The following CSPP1 variants were observed in gnomAD, a reference collection of about 807,000 sequenced individuals.
CSPP1 encodes the protein centrosome and spindle pole-associated protein 1.
A neutral mutation model predicts 164.4 loss-of-function variants in CSPP1; 126 were observed. That is an observed-to-expected ratio of 0.77 (90% confidence interval 0.66 to 0.89). The LOEUF is 0.89. CSPP1 is among the 40% of genes least tolerant of loss of function. The pLI is 0.00. For synonymous variants in CSPP1, 472 were observed against 476.7 expected (o/e 0.99, Z 0.13); for missense variants, 1,395 against 1,449.8 (o/e 0.96, Z 0.61).
intron 15 of CSPP1, among the ~76,000 whole-genome samples, chr8:67,125,941 T>C (rs1396054832): frequency 6.6e-6 from 1 of 152,224 alleles, no homozygotes; most frequent in South Asian, 2.1e-4. Context: ...CAAGCGATTG[T>C]CCTGCCTCAG....
intron 7 of CSPP1, chr8:67,099,395 A>G (rs1813557494): frequency 6.6e-6 from 1 of 152,110 alleles, no homozygotes; most frequent in Non-Finnish European, 1.5e-5. Context: ...GTGGGAGAGT[A>G]TTTAGATAGA....
intron 3 of CSPP1, among the ~76,000 whole-genome samples, chr8:67,081,365 T>C (rs1212713745): frequency 6.6e-6 from 1 of 152,134 alleles, no homozygotes; most frequent in Non-Finnish European, 1.5e-5. Flanking sequence ...TTCAATTTTT[T>C]TTTTCTTTTT....
intron 15 of CSPP1, among the ~76,000 whole-genome samples, chr8:67,123,886 G>A (rs1819513645): frequency 6.6e-6 from 1 of 150,522 alleles, no homozygotes; most frequent in Non-Finnish European, 1.5e-5. Context: ...TTACGGGCAT[G>A]AGCCACCGCG....
intron 15 of CSPP1, among the ~76,000 whole-genome samples, chr8:67,127,555 GA>G (rs1327070149): frequency 6.6e-6 from 1 of 152,176 alleles, no homozygotes; most frequent in African/African-American, 2.4e-5. Context: ...TTTGATGTAA[GA>G]ACACAATTCA....
At chr8:67,176,846 C>T (rs796145984) in intron 26 of CSPP1, among the ~76,000 whole-genome samples, 1 of 151,926 alleles carries the variant, frequency 6.6e-6, no homozygotes, top group Non-Finnish European at 1.5e-5. Context: ...CTGAAGTGGG[C>T]GGATCATGAG....
At chr8:67,126,334 AACATAATG>A (rs1333588642) in intron 15 of CSPP1, among the ~76,000 whole-genome samples, 1 of 152,168 alleles carries the variant, frequency 6.6e-6, no homozygotes, top group Non-Finnish European at 1.5e-5. Flanking sequence ...ACATTTAGGA[AACATAATG>A]TGGCTACTGT....
Position 67,163,772 on chromosome 8 carries a change from C to T in CSPP1, c.2684C>T (p.Ala895Val). The T allele has an allele frequency of 6.2e-7, 1 of 1,613,480 alleles. No homozygotes were observed. The highest frequency in any genetic ancestry group is 1.7e-4 in the Middle Eastern group (1 of 6,058). ...AGGGCACAGTCACCCCCGGTACCTG[C>T]CAGGAAAAATCAGCTCCGTGCAGAA... ...MSRAQSPPVP[A>V]RKNQLRAEEE... The change falls in exon 23 of 31, where the codon GCC becomes GTC. Residue 895 changes from alanine (A) to valine (V), a missense_variant. Physicochemically the swap from Ala to Val is moderately conservative, Grantham distance 64. Transcript: ENST00000678616.
chr8:67,144,688 C>T (rs982534084), intron 17 of CSPP1, among the ~76,000 whole-genome samples: 3 of 152,074 alleles, frequency 2.0e-5, no homozygotes, highest in Non-Finnish European at 4.4e-5. Flanking sequence ...CTCAAGTGAT[C>T]CTCCCACCTT....
intron 24 of CSPP1, among the ~76,000 whole-genome samples, chr8:67,167,139 G>C (rs1411017836): frequency 6.8e-6 from 1 of 147,832 alleles, no homozygotes; most frequent in South Asian, 2.1e-4. Flanking sequence ...CACAGACACA[G>C]CAACAATCTG....
chr8:67,106,794 T>C (rs1815637400), intron 9 of CSPP1, among the ~76,000 whole-genome samples: 1 of 152,304 alleles, frequency 6.6e-6, no homozygotes, highest in East Asian at 1.9e-4. Context: ...AAATTAACAC[T>C]CTAGATTCAT....
At chr8:67,128,574 G>C (rs1268423790) in intron 15 of CSPP1, among the ~76,000 whole-genome samples, 3 of 151,208 alleles carry the variant, frequency 2.0e-5, no homozygotes, top group East Asian at 3.9e-4. Flanking sequence ...GCCGGGTTCA[G>C]TCTTAAACAG....
intron 16 of CSPP1, among the ~76,000 whole-genome samples, chr8:67,136,219 AATGGTACTG>A (rs1822234528): frequency 6.6e-6 from 1 of 152,182 alleles, no homozygotes; most frequent in Non-Finnish European, 1.5e-5. Flanking sequence ...CCATTGGAAA[AATGGTACTG>A]ATAGACTTCC....
At chr8:67,116,147 T>C in intron 13 of CSPP1, 25 bp downstream of exon 13, 2 of 1,542,182 alleles carry the variant, frequency 1.3e-6, no homozygotes, top group Non-Finnish European at 1.8e-6. Flanking sequence ...GTTTTGTGTT[T>C]GGGAATTAGG....
intron 9 of CSPP1, among the ~76,000 whole-genome samples, chr8:67,106,178 G>A (rs551270524): frequency 6.6e-6 from 1 of 151,894 alleles, no homozygotes; most frequent in Admixed American, 6.6e-5. Flanking sequence ...AAAATTTTAT[G>A]TATCTTCTTA....
Position 67,158,614 on chromosome 8 carries a change from A to G in CSPP1, c.2391+18A>G, listed in dbSNP as rs761011458. On this transcript the variant is annotated intron_variant, in intron 20 of 30. Coordinates refer to ENST00000678616, the MANE Select transcript of CSPP1 (RefSeq NM_001382391.1). ...AGGAGGAGGTACATCTTTTTTCCCT[A>G]TTGTATTTTACTACTTAGTCTGAAG... 5.8e-6 allele frequency: 9 copies of G among 1,559,456 alleles called. No individual in the cohort carries two copies. In the South Asian group the frequency reaches 1.1e-4, roughly 19 times the overall value.
chr8:67,190,743 G>A lies in CSPP1; in HGVS notation c.3314G>A (p.Trp1105Ter), dbSNP rs950321489. The A allele has an allele frequency of 1.2e-6, 2 of 1,610,776 alleles. No homozygotes were observed. Among genetic ancestry groups the A allele is most frequent in the Non-Finnish European group, 1.7e-6 (2 of 1,176,946 alleles). The change falls in exon 29 of 31, where the codon TGG (tryptophan) becomes TAG (stop). Residue 1105 changes from tryptophan (W) to a stop codon, truncating the protein, a stop_gained. Coordinates refer to ENST00000678616, the MANE Select transcript of CSPP1 (RefSeq NM_001382391.1). LOFTEE classifies it high-confidence loss of function. ...PSARERRRNK[W>*]KGLDIDSSRP... ...GCACGGGAGCGCAGGAGGAACAAAT[G>A]GAAAGGACTAGACATTGTATGTATG...
intron 26 of CSPP1, among the ~76,000 whole-genome samples, chr8:67,177,343 G>A (rs1831939340): frequency 6.6e-6 from 1 of 152,160 alleles, no homozygotes; most frequent in Non-Finnish European, 1.5e-5. Flanking sequence ...GGGAGCCCCT[G>A]TTTAACTCCA....
chr8:67,087,831 T>G (rs1165695444), intron 4 of CSPP1, among the ~76,000 whole-genome samples: 1 of 152,222 alleles, frequency 6.6e-6, no homozygotes, highest in African/African-American at 2.4e-5. Flanking sequence ...GCATGGTAAC[T>G]GTGTTTTAGG....
chr8:67,065,339 G>T (rs936819842), intron 1 of CSPP1, among the ~76,000 whole-genome samples: 3 of 152,162 alleles, frequency 2.0e-5, no homozygotes, highest in African/African-American at 7.2e-5. Flanking sequence ...TAGCTCTCAA[G>T]ATTGTAGGAT....
Sources: allele counts gnomAD v4.1 joint callset (sites outside exome capture counted in the v4.1 genomes callset), GRCh38; gene constraint gnomAD v4.1.1; transcripts MANE v1.5; gene names NCBI Gene and HGNC (gene_info 2026-07-23, HGNC 2026-07-21).